RNF144B: variants seen among roughly 807,000 people sequenced by gnomAD.
RNF144B encodes the protein E3 ubiquitin-protein ligase RNF144B.
Under a neutral mutation model 40.2 loss-of-function variants are expected in RNF144B, and 25 were observed. The observed-to-expected ratio is 0.62, with a 90% CI of 0.45 to 0.87. The LOEUF is 0.87. Among genes scored for constraint, RNF144B ranks in the 40% least tolerant of loss-of-function variants. RNF144B has a pLI of 0.00. For synonymous variants in RNF144B, 145 were observed against 136.3 expected (o/e 1.06, Z -0.44); for missense variants, 365 against 373.7 (o/e 0.98, Z 0.19).
rs1203125323 is a variant in RNF144B at position 18,425,972 on chromosome 6, T to C, written c.166-1609T>C. Among the ~76,000 whole-genome samples, 1 of 152,230 alleles carries C rather than the reference T, an allele frequency of 6.6e-6. No homozygotes were observed. The highest frequency in any genetic ancestry group is 2.4e-5 in the African/African-American group (1 of 41,476). ...ATGGTTTGCCCTAGTCATTGATTCATCAGTACATTGTAAGTTATTTATAAC... is the reference window on the plus strand; with the variant it reads ...ATGGTTTGCCCTAGTCATTGATTCACCAGTACATTGTAAGTTATTTATAAC... On this transcript the variant is annotated intron_variant, in intron 2 of 7. Transcript: ENST00000259939. The surrounding 1 kb of genome is among the most constrained non-coding windows in gnomAD (Gnocchi z 4.2).
At chr6:18,463,139 A>C (rs1759500392) in intron 6 of RNF144B, 152 bp from the exon 7 acceptor site, 8 of 582,796 alleles carry the variant, frequency 1.4e-5, no homozygotes, top group South Asian at 1.1e-4. Context: ...CAAAACTACC[A>C]AGATAAAGAT....
rs1795122545 is a variant in RNF144B, at chr6:18,414,998, A to G, written c.166-12583A>G. The stretch of plus-strand genomic sequence containing the variant: ...ATTCATGAATGCTCAAGTCCCTTAT[A>G]TAGAATGGTGTAGTATTTGCATGTA... On this transcript the variant is annotated intron_variant, in intron 2 of 7. Transcript: ENST00000259939. This position sits in a 1 kb window ranked among gnomAD's most constrained non-coding sequence, Gnocchi z 4.9. 6.6e-6 allele frequency among the ~76,000 whole-genome samples: 1 copy of G among 152,168 alleles called. No homozygotes were observed. The highest frequency in any genetic ancestry group is 2.1e-4 in the South Asian group (1 of 4,836).
intron 1 of RNF144B, chr6:18,396,399 T>A: frequency 1.0e-6 from 1 of 975,900 alleles, no homozygotes; most frequent in Non-Finnish European, 1.2e-6. Flanking sequence ...CTTTGGCCTG[T>A]TTAATATTTC....
chr6:18,463,109 G>T (rs1446433780), intron 6 of RNF144B, among the ~76,000 whole-genome samples, 182 bp from the exon 7 acceptor site: 1 of 151,670 alleles, frequency 6.6e-6, no homozygotes. Context: ...ATTATGATCT[G>T]CTTTCACTTT....
At chr6:18,420,158 AT>A (rs10635749) in intron 2 of RNF144B, among the ~76,000 whole-genome samples, 2 of 150,746 alleles carry the variant, frequency 1.3e-5, no homozygotes, top group Admixed American at 1.3e-4. Flanking sequence ...CGGGTTTCTG[AT>A]TTTTTTTTTG....
chr6:18,396,848 T>A, intron 1 of RNF144B: 1 of 984,086 alleles, frequency 1.0e-6, no homozygotes, highest in Non-Finnish European at 1.2e-6. Context: ...TTTACCCGTA[T>A]GTTTATCATA....
rs1794788557 is a variant in RNF144B at position 18,400,763 on chromosome 6, G to A, written c.165+1064G>A. On this transcript the variant is annotated intron_variant, in intron 2 of 7. Coordinates refer to ENST00000259939, the MANE Select transcript of RNF144B (RefSeq NM_182757.4). This position sits in a 1 kb window ranked among gnomAD's most constrained non-coding sequence, Gnocchi z 5.6. ...ATCAGTTAAGGAAACAAAACCCAGCGAAGTTTCTTGCTTTTAGGAGCTTAT... is the reference window on the plus strand; with the variant it reads ...ATCAGTTAAGGAAACAAAACCCAGCAAAGTTTCTTGCTTTTAGGAGCTTAT... Among the ~76,000 whole-genome samples the A allele has an allele frequency of 6.6e-6, 1 of 152,156 alleles. No individual in the cohort carries two copies. Among genetic ancestry groups the A allele is most frequent in the Non-Finnish European group, 1.5e-5 (1 of 68,022 alleles).
intron 3 of RNF144B, among the ~76,000 whole-genome samples, chr6:18,437,483 A>C (rs1217129539): frequency 6.6e-6 from 1 of 152,172 alleles, no homozygotes; most frequent in Non-Finnish European, 1.5e-5. Context: ...AATGAGGGGA[A>C]CTAGGGAAGA....
At chr6:18,463,993 C>T (rs1440790912) in intron 7 of RNF144B, among the ~76,000 whole-genome samples, 1 of 152,146 alleles carries the variant, frequency 6.6e-6, no homozygotes, top group African/African-American at 2.4e-5. Context: ...ATTCAATTAT[C>T]TCCACCTGGC....
rs549912750 is a variant in RNF144B, at chr6:18,419,316, T to C, written c.166-8265T>C. 3.9e-5 allele frequency among the ~76,000 whole-genome samples: 6 copies of C among 152,252 alleles called. No homozygotes were observed. In the South Asian group the frequency reaches 1.2e-3, roughly 32 times the overall value. On this transcript the variant is annotated intron_variant, in intron 2 of 7. Transcript: ENST00000259939. This position sits in a 1 kb window ranked among gnomAD's most constrained non-coding sequence, Gnocchi z 4.6. ...ACATACCAGGCTTAGATCATTTTCTTCGGGGGCACTGCTCTCTGCTAGGGA... is the reference window on the plus strand; with the variant it reads ...ACATACCAGGCTTAGATCATTTTCTCCGGGGGCACTGCTCTCTGCTAGGGA...
intron 2 of RNF144B, among the ~76,000 whole-genome samples, chr6:18,408,626 T>C (rs1303470458): frequency 6.6e-6 from 1 of 152,130 alleles, no homozygotes; most frequent in Non-Finnish European, 1.5e-5. Context: ...TACAGGGATA[T>C]AAAGGTCTTT....
chr6:18,402,718 C>A lies in RNF144B; in HGVS notation c.165+3019C>A, dbSNP rs182583677. ...TGAGGAACACTGCTTTAAATTATTTCATGTAGGTAATTCTTGATTTAAATA... is the reference window on the plus strand; with the variant it reads ...TGAGGAACACTGCTTTAAATTATTTAATGTAGGTAATTCTTGATTTAAATA... On this transcript the variant is annotated intron_variant, in intron 2 of 7. Transcript: ENST00000259939. Among the ~76,000 whole-genome samples the A allele has an allele frequency of 6.8e-3, 1,036 of 152,280 alleles. 10 individuals carry two copies. Among genetic ancestry groups the A allele is most frequent in the Middle Eastern group, 0.017 (5 of 294 alleles).
chr6:18,389,041 A>C (rs1022848225), intron 1 of RNF144B, among the ~76,000 whole-genome samples: 2 of 152,168 alleles, frequency 1.3e-5, no homozygotes, highest in Non-Finnish European at 2.9e-5. Context: ...ACCCTAGATA[A>C]CTTTCTCCTA....
In RNF144B at chr6:18,460,646, A is replaced by C. The variant is rs1037586759; in HGVS notation, c.681+895A>C. On this transcript the variant is annotated intron_variant, in intron 6 of 7. Coordinates refer to ENST00000259939, the MANE Select transcript of RNF144B (RefSeq NM_182757.4). The surrounding 1 kb of genome is among the most constrained non-coding windows in gnomAD (Gnocchi z 4.4). ...CACTCGCTCTCTCTCTCTCTTGTTC[A>C]TGAGCATGCAGCAGTATCGCTACTG... Among the ~76,000 whole-genome samples, 1 of 151,974 alleles carries C rather than the reference A, an allele frequency of 6.6e-6. No homozygotes were observed. The highest frequency in any genetic ancestry group is 2.4e-5 in the African/African-American group (1 of 41,354).
In RNF144B at chr6:18,418,317, C is replaced by T. The variant is rs895706516; in HGVS notation, c.166-9264C>T. On this transcript the variant is annotated intron_variant, in intron 2 of 7. Transcript: ENST00000259939. This position sits in a 1 kb window ranked among gnomAD's most constrained non-coding sequence, Gnocchi z 5.2. ...CATAATACCACTCAACTGGAAACAA[C>T]CCAAATGTCCATCAACTGATGAAAG... is the stretch of plus-strand genomic sequence containing the variant. 6.6e-6 allele frequency among the ~76,000 whole-genome samples: 1 copy of T among 152,152 alleles called. No homozygotes were observed. The highest frequency in any genetic ancestry group is 1.5e-5 in the Non-Finnish European group (1 of 68,034).
chr6:18,422,121 C>CTT lies in RNF144B; in HGVS notation c.166-5460_166-5459insTT, dbSNP rs1758441081. ...GACTATACCAGGAAACAGCTTCCTG[C>CTT]CTAGCTATAGGTTGTTAATTTGTCT... On this transcript the variant is annotated intron_variant, in intron 2 of 7. Coordinates refer to ENST00000259939, the MANE Select transcript of RNF144B (RefSeq NM_182757.4). This position sits in a 1 kb window ranked among gnomAD's most constrained non-coding sequence, Gnocchi z 4.7. Among the ~76,000 whole-genome samples the CTT allele has an allele frequency of 8.5e-5, 13 of 152,224 alleles. No homozygotes were observed. The South Asian group carries it at 2.7e-3, about 32-fold the overall frequency.
chr6:18,435,358 C>T (rs150208157), intron 3 of RNF144B, among the ~76,000 whole-genome samples: 88 of 152,084 alleles, frequency 5.8e-4, no homozygotes, highest in African/African-American at 2.1e-3. Context: ...AATTAGAAGC[C>T]ACTGAATAAA....
In RNF144B at chr6:18,405,138, T is replaced by C. The variant is rs1219054656; in HGVS notation, c.165+5439T>C. ...TACCTAAATATGCTTGCTTGCAAGG[T>C]TAGTTTTTTTCTTTATTATTATTAT... On this transcript the variant is annotated intron_variant, in intron 2 of 7. Transcript: ENST00000259939. The surrounding 1 kb of genome is among the most constrained non-coding windows in gnomAD (Gnocchi z 4.5). 2.1e-5 allele frequency among the ~76,000 whole-genome samples: 3 copies of C among 139,788 alleles called. No individual in the cohort carries two copies. The highest frequency in any genetic ancestry group is 3.0e-5 in the Non-Finnish European group (2 of 65,780). 91.7% of individuals were successfully genotyped at this position (139,788 alleles called of 152,430 possible). A position where few individuals can be genotyped will look rare whatever the true frequency, so the allele number is the denominator to read the frequency against.
chr6:18,447,395 A>G lies in RNF144B; in HGVS notation c.331+7651A>G, dbSNP rs1251105120. The stretch of plus-strand genomic sequence containing the variant: ...GGGGAGAGTTATAGGAGGTAATTTG[A>G]AAGTGTTAGTCAAGGGCCTGATCCC... On this transcript the variant is annotated intron_variant, in intron 4 of 7. Transcript: ENST00000259939. This position sits in a 1 kb window ranked among gnomAD's most constrained non-coding sequence, Gnocchi z 5.6. Among the ~76,000 whole-genome samples the G allele has an allele frequency of 6.6e-6, 1 of 152,126 alleles. No individual in the cohort carries two copies. The highest frequency in any genetic ancestry group is 1.5e-5 in the Non-Finnish European group (1 of 68,018).
Sources: allele counts gnomAD v4.1 joint callset (sites outside exome capture counted in the v4.1 genomes callset), GRCh38; gene constraint gnomAD v4.1.1; non-coding constraint Gnocchi (gnomAD v3.1); transcripts MANE v1.5; gene names NCBI Gene and HGNC (gene_info 2026-07-23, HGNC 2026-07-21).